PJA2: variants seen among roughly 807,000 people sequenced by gnomAD.
The protein encoded by PJA2 is praja ring finger ubiquitin ligase 2, also known as E3 ubiquitin-protein ligase Praja-2.
Under a neutral mutation model 69.3 loss-of-function variants are expected in PJA2, and 25 were observed. That is an observed-to-expected ratio of 0.36 (90% CI 0.26 to 0.50). The LOEUF (loss-of-function observed/expected upper bound fraction) is 0.50. PJA2 is among the 20% of genes least tolerant of loss of function. The pLI is 0.96. For synonymous variants in PJA2, 308 were observed against 277.8 expected, an observed-to-expected ratio of 1.11 and a Z score of -1.08; for missense variants, 809 against 830.2, an observed-to-expected ratio of 0.97 and a Z score of 0.31.
At chr5:109,407,879 TGAG>T (rs1264719753) in intron 1 of PJA2, among the ~76,000 whole-genome samples, 3 of 152,178 alleles carry the variant, frequency 2.0e-5, no homozygotes, top group Admixed American at 6.5e-5. Context: ...GCCACATTTC[TGAG>T]GAGAGAGACT....
chr5:109,345,185 A>G (rs1762152963), intron 7 of PJA2, among the ~76,000 whole-genome samples: 1 of 149,836 alleles, frequency 6.7e-6, no homozygotes, highest in African/African-American at 2.4e-5. Context: ...TCTAGTAAAA[A>G]AAAAAAAAAA....
chr5:109,344,132 T>A, intron 9 of PJA2, 58 bp downstream of exon 9: 1 of 1,063,696 alleles, frequency 9.4e-7, no homozygotes, highest in Non-Finnish European at 1.3e-6. Flanking sequence ...ATACTATTAT[T>A]CACTTGCAGA....
Position 109,381,593 on chromosome 5 carries a change from A to C in PJA2, c.142T>G (p.Cys48Gly). ...RRHAYVSFKP[C>G]MTRHERSLGR... ...AAGCTTCTTTCATGTCTGGTCATACATGGTTTAAAACTGACATAAGCATGT... is the reference window on the plus strand; with the variant it reads ...AAGCTTCTTTCATGTCTGGTCATACCTGGTTTAAAACTGACATAAGCATGT... The change falls in exon 3 of 10, where the codon TGT becomes GGT. Residue 48 changes from cysteine (C) to glycine (G), a missense_variant. Around this residue, in one of 4 missense-constraint regions of PJA2, gnomAD observed 700 missense variants for 639.5 expected, o/e 1.09. Coordinates refer to ENST00000361189, the MANE Select transcript of PJA2 (RefSeq NM_014819.5). The C allele has an allele frequency of 6.2e-7, 1 of 1,614,134 alleles. No individual in the cohort carries two copies.
chr5:109,339,881 A>G (rs1762012346), intron 9 of PJA2, among the ~76,000 whole-genome samples: 1 of 152,244 alleles, frequency 6.6e-6, no homozygotes, highest in Non-Finnish European at 1.5e-5. Flanking sequence ...AAAATGCCAG[A>G]TAAACAGATT....
chr5:109,399,241 G>T (rs914313817), intron 1 of PJA2, among the ~76,000 whole-genome samples: 1 of 151,576 alleles, frequency 6.6e-6, no homozygotes, highest in Admixed American at 6.6e-5. Flanking sequence ...ATGAGGCAGA[G>T]TTTGGCTACC....
At chr5:109,343,992 G>A (rs1163895582) in intron 9 of PJA2, among the ~76,000 whole-genome samples, 198 bp downstream of exon 9, 2 of 151,352 alleles carry the variant, frequency 1.3e-5, no homozygotes, top group Non-Finnish European at 2.9e-5. Context: ...AGCTACTTGG[G>A]AGGCTGAGGC....
chr5:109,382,017 C>T (rs1472104559), intron 2 of PJA2, among the ~76,000 whole-genome samples: 1 of 151,938 alleles, frequency 6.6e-6, no homozygotes, highest in Non-Finnish European at 1.5e-5. Context: ...AATTATTATA[C>T]TGCCAAAGCT....
At chr5:109,375,852 A>T (rs1746869809) in intron 4 of PJA2, among the ~76,000 whole-genome samples, 3 of 152,214 alleles carry the variant, frequency 2.0e-5, no homozygotes, top group African/African-American at 4.8e-5. Flanking sequence ...CTGGCACCAT[A>T]TTAAAAAGGC....
At chr5:109,363,220 C>T (rs1445695878) in intron 5 of PJA2, among the ~76,000 whole-genome samples, 198 bp from the exon 6 acceptor site, 1 of 152,132 alleles carries the variant, frequency 6.6e-6, no homozygotes, top group African/African-American at 2.4e-5. Context: ...CATATGTATA[C>T]AGAAATAGTT....
chr5:109,367,162 A>ATC (rs1396359978), intron 5 of PJA2, among the ~76,000 whole-genome samples: 1 of 148,260 alleles, frequency 6.7e-6, no homozygotes, highest in Non-Finnish European at 1.5e-5. Context: ...ATATATATAT[A>ATC]TATCTATGAT....
At chr5:109,356,614 T>A (rs1762417147) in intron 6 of PJA2, among the ~76,000 whole-genome samples, 1 of 152,174 alleles carries the variant, frequency 6.6e-6, no homozygotes, top group African/African-American at 2.4e-5. Context: ...GTTTTTCAGT[T>A]TCCAATCCGC....
chr5:109,369,324 A>G (rs1292960008), intron 4 of PJA2, among the ~76,000 whole-genome samples: 1 of 152,240 alleles, frequency 6.6e-6, no homozygotes, highest in Non-Finnish European at 1.5e-5. Flanking sequence ...AAATAAATGC[A>G]TGCAGTAGAG....
chr5:109,335,477 G>A lies in PJA2; in HGVS notation c.*1754C>T, dbSNP rs1402220153. 2 of 152,368 alleles carry A rather than the reference G, an allele frequency of 1.3e-5. No homozygotes were observed. The highest frequency in any genetic ancestry group is 2.9e-5 in the Non-Finnish European group (2 of 68,030). 9.4% of individuals were successfully genotyped at this position (152,368 alleles called of 1,614,324 possible). ...AAGAAAACCAAGGTCCCTTAATATA[G>A]TCTAAATATAATGTGTGGCTTATTA... is the stretch of plus-strand genomic sequence containing the variant. On this transcript the variant is annotated 3_prime_UTR_variant, in exon 10 of 10. Coordinates refer to ENST00000361189, the MANE Select transcript of PJA2 (RefSeq NM_014819.5).
intron 3 of PJA2, among the ~76,000 whole-genome samples, chr5:109,380,074 G>C (rs1356190831): frequency 6.7e-6 from 1 of 149,626 alleles, no homozygotes; most frequent in Non-Finnish European, 1.5e-5. Flanking sequence ...TTGATATATG[G>C]TACGAAGGGT....
At chr5:109,341,008 C>T (rs1195811326) in intron 9 of PJA2, among the ~76,000 whole-genome samples, 7 of 141,434 alleles carry the variant, frequency 4.9e-5, no homozygotes, top group Admixed American at 2.8e-4. Flanking sequence ...ACCTCCCAGC[C>T]GCCTGCCTTG....
At chr5:109,383,308 C>A in intron 2 of PJA2, 95 bp downstream of exon 2, 1 of 1,093,116 alleles carries the variant, frequency 9.1e-7, no homozygotes, top group Non-Finnish European at 1.4e-6. Flanking sequence ...TTAGTAAGAC[C>A]ACAGGTCAGA....
chr5:109,340,798 G>C (rs1474256996), intron 9 of PJA2, among the ~76,000 whole-genome samples: 2 of 104,540 alleles, frequency 1.9e-5, no homozygotes, highest in Non-Finnish European at 4.5e-5. Flanking sequence ...TTGCAGGCTC[G>C]CGCCGCCACA....
chr5:109,378,082 T>A (rs1746934008), intron 4 of PJA2, 122 bp downstream of exon 4: 1 of 682,028 alleles, frequency 1.5e-6, no homozygotes, highest in East Asian at 2.7e-5. Flanking sequence ...AATAAAAATA[T>A]TTGGTAAGTC....
Position 109,344,254 on chromosome 5 carries a change from A to T in PJA2, c.1937T>A (p.Ile646Lys), listed in dbSNP as rs576933782. The change falls in exon 9 of 10, where the codon ATA becomes AAA. Residue 646 changes from isoleucine (I) to lysine (K), a missense_variant. Around this residue, in one of 4 missense-constraint regions of PJA2, gnomAD observed 19 missense variants for 62.9 expected, o/e 0.30. Transcript: ENST00000361189. ...ICCSEYIKDD[I>K]ATELPCHHFF... ...ATGGTGACAGGGCAACTCTGTTGCT[A>T]TATCATCCTTAATATACTCACTGCA... is the stretch of plus-strand genomic sequence containing the variant. The T allele has an allele frequency of 1.2e-6, 2 of 1,612,404 alleles. No individual in the cohort carries two copies. The highest frequency in any genetic ancestry group is 1.1e-5 in the South Asian group (1 of 90,662).
Sources: allele counts gnomAD v4.1 joint callset (sites outside exome capture counted in the v4.1 genomes callset), GRCh38; gene constraint gnomAD v4.1.1; regional missense constraint gnomAD v4.1.1; transcripts MANE v1.5; gene names NCBI Gene and HGNC (gene_info 2026-07-23, HGNC 2026-07-21).